ECPAS: variants seen among roughly 807,000 people sequenced by gnomAD.
ECPAS encodes Ecm29 proteasome adaptor and scaffold.
Under a neutral mutation model 255.1 loss-of-function variants are expected in ECPAS, and 70 were observed. That is an observed-to-expected ratio of 0.27 (90% CI 0.23 to 0.33). The LOEUF (loss-of-function observed/expected upper bound fraction) is 0.33, where lower values mean the gene tolerates loss of function less well. Among genes scored for constraint, ECPAS ranks in the 10% least tolerant of loss-of-function variants. The pLI is 1.00. For missense variants in ECPAS, 1,817 were observed against 2,206.4 expected, an observed-to-expected ratio of 0.82 and a Z score of 3.54; for synonymous variants, 784 against 775.0, an observed-to-expected ratio of 1.01 and a Z score of -0.19.
At chr9:111,480,580 G>T in intron 1 of ECPAS, among the ~76,000 whole-genome samples, 1 of 152,076 alleles carries the variant, frequency 6.6e-6, no homozygotes, top group East Asian at 1.9e-4. Context: ...TTACAGGTGT[G>T]AGCCACCACA....
intron 35 of ECPAS, among the ~76,000 whole-genome samples, chr9:111,381,127 T>C (rs1015593748): frequency 1.3e-5 from 2 of 152,236 alleles, no homozygotes; most frequent in Non-Finnish European, 2.9e-5. Context: ...CTATCTCAGC[T>C]TTCATGACAT....
chr9:111,415,252 T>A lies in ECPAS; in HGVS notation c.1765-601A>T, dbSNP rs72764777. 6.2e-3 allele frequency among the ~76,000 whole-genome samples: 931 copies of A among 149,910 alleles called. 3 individuals are homozygous for A. The highest frequency in any genetic ancestry group is 8.9e-3 in the African/African-American group (365 of 40,924). On this transcript the variant is annotated intron_variant, in intron 18 of 49. Coordinates refer to ENST00000684092, the MANE Select transcript of ECPAS (RefSeq NM_001364929.1). ...CCGTGTGTGTGTGTGTGTGTGTGTG[T>A]GAGAGAGAGAGAAAGACAGAGAGAG...
chr9:111,481,505 CAAGAAAAAAAA>C (rs1027676251), intron 1 of ECPAS, among the ~76,000 whole-genome samples: 34 of 148,638 alleles, frequency 2.3e-4, no homozygotes, highest in African/African-American at 8.2e-4. Context: ...GACTTGGTCT[CAAGAAAAAAAA>C]AAGAAAAAAG....
chr9:111,451,882 G>A (rs1017152717), intron 2 of ECPAS, among the ~76,000 whole-genome samples: 3 of 152,170 alleles, frequency 2.0e-5, no homozygotes, highest in Admixed American at 2.0e-4. Flanking sequence ...AGTAGAGCAA[G>A]GCAGCAAAAC....
In ECPAS at chr9:111,468,650, A is replaced by C. The variant is rs576393586; in HGVS notation, c.22+4247T>G. The stretch of plus-strand genomic sequence containing the variant: ...GAGTGAGAGAGAGAGAGAGAGAGAG[A>C]GAGCGAGCGTGTGTGTGTGTTTCAT... On this transcript the variant is annotated intron_variant, in intron 2 of 49. Transcript: ENST00000684092. Among the ~76,000 whole-genome samples, 487 of 145,904 alleles carry C rather than the reference A, an allele frequency of 3.3e-3. 3 individuals are homozygous for C. The highest frequency in any genetic ancestry group is 0.011 in the African/African-American group (430 of 39,328).
chr9:111,384,991 G>A (rs1413176050), intron 33 of ECPAS, among the ~76,000 whole-genome samples: 1 of 152,144 alleles, frequency 6.6e-6, no homozygotes, highest in African/African-American at 2.4e-5. Context: ...GAAAAATTCA[G>A]AGGAATTGGC....
chr9:111,456,910 A>G (rs1232113940), intron 2 of ECPAS, among the ~76,000 whole-genome samples: 1 of 152,244 alleles, frequency 6.6e-6, no homozygotes. Context: ...TAGAAAGAAA[A>G]TAACAGAAGG....
Position 111,383,220 on chromosome 9 carries a change from C to G in ECPAS, c.3794G>C (p.Arg1265Pro). ...KGMMSTVTEV[R>P]ALSINTLVKI... ...ATCAACGGATGCACACCTGAGGGCTCGAACTTCCGTCACGGTGCTCATCAT... is the reference window on the plus strand; with the variant it reads ...ATCAACGGATGCACACCTGAGGGCTGGAACTTCCGTCACGGTGCTCATCAT... The change falls in exon 35 of 50, where the codon CGA (arginine) becomes CCA (proline). Residue 1265 changes from arginine (R) to proline (P), a missense_variant. This residue lies in a region of ECPAS where 960 missense variants were observed against 1,179.0 expected (regional missense o/e 0.81). Transcript: ENST00000684092. 6.2e-7 allele frequency: 1 copy of G among 1,613,770 alleles called. No individual in the cohort carries two copies. Among genetic ancestry groups the G allele is most frequent in the Non-Finnish European group, 8.5e-7 (1 of 1,179,784 alleles).
intron 2 of ECPAS, among the ~76,000 whole-genome samples, chr9:111,471,130 G>A (rs566859820): frequency 3.8e-4 from 58 of 152,268 alleles, no homozygotes; most frequent in Middle Eastern, 3.4e-3. Context: ...GCCCTAGAAT[G>A]TTCTTTATTT....
At chr9:111,465,299 G>A (rs1194190979) in intron 2 of ECPAS, among the ~76,000 whole-genome samples, 1 of 152,062 alleles carries the variant, frequency 6.6e-6, no homozygotes, top group South Asian at 2.1e-4. Context: ...CAGCACTTTG[G>A]GAGGCCGAGG....
intron 10 of ECPAS, among the ~76,000 whole-genome samples, chr9:111,427,091 T>C (rs760842296): frequency 1.3e-5 from 2 of 148,170 alleles, no homozygotes; most frequent in African/African-American, 5.0e-5. Context: ...GCCTGGGAGG[T>C]AGAGGCTGAG....
At chr9:111,447,238 T>C (rs1404799795) in intron 3 of ECPAS, among the ~76,000 whole-genome samples, 3 of 151,996 alleles carry the variant, frequency 2.0e-5, no homozygotes, top group Admixed American at 2.0e-4. Flanking sequence ...AATCTTCCTA[T>C]CTCAGTCACT....
chr9:111,371,867 G>A, intron 42 of ECPAS, 38 bp from the exon 43 acceptor site: 1 of 1,538,356 alleles, frequency 6.5e-7, no homozygotes, highest in East Asian at 2.3e-5. Context: ...TAAGTGACAA[G>A]AAAAATTAAC....
intron 1 of ECPAS, among the ~76,000 whole-genome samples, chr9:111,474,246 C>A (rs150711698): frequency 2.2e-4 from 34 of 152,262 alleles, no homozygotes; most frequent in African/African-American, 7.9e-4. Flanking sequence ...TCTGTTCTCT[C>A]TTTCCTTCAC....
At chr9:111,422,250 G>T in intron 13 of ECPAS, 50 bp from the exon 14 acceptor site, 1 of 1,544,508 alleles carries the variant, frequency 6.5e-7, no homozygotes, top group South Asian at 1.1e-5. Context: ...TCCAAGAGAT[G>T]AAAAAGGGAA....
In ECPAS at chr9:111,408,821, G is replaced by A. The variant is rs372353657; in HGVS notation, c.2551-149C>T. 171 of 479,096 alleles carry A rather than the reference G, an allele frequency of 3.6e-4. 1 individual carries two copies. The highest frequency in any genetic ancestry group is 3.0e-3 in the African/African-American group (151 of 50,486). 29.7% of individuals were successfully genotyped at this position (479,096 alleles called of 1,614,324 possible). Reference sequence around the variant, plus strand: ...TACAAAAGCATCAAATTTTACAGTCGTATGTCTGTAAGTCATTGAAGGTAG... The same window carrying A: ...TACAAAAGCATCAAATTTTACAGTCATATGTCTGTAAGTCATTGAAGGTAG... On this transcript the variant is annotated intron_variant, in intron 23 of 49. Transcript: ENST00000684092.
intron 48 of ECPAS, among the ~76,000 whole-genome samples, chr9:111,364,602 C>T (rs1320391317): frequency 6.6e-6 from 1 of 152,008 alleles, no homozygotes; most frequent in Non-Finnish European, 1.5e-5. Context: ...TCAATGCATG[C>T]TAAATATAGA....
chr9:111,410,640 C>T (rs2098192593), intron 22 of ECPAS, among the ~76,000 whole-genome samples: 1 of 151,954 alleles, frequency 6.6e-6, no homozygotes, highest in African/African-American at 2.4e-5. Flanking sequence ...CCTTAGCTTC[C>T]TCAGTAGTTG....
In ECPAS at chr9:111,392,997, G is replaced by C. The variant is rs118185198; in HGVS notation, c.2978-115C>G. The stretch of plus-strand genomic sequence containing the variant: ...TGACCCAAAATGATATCAAAGTAAA[G>C]ATATAAAAACAGAATCAATATGCCT... On this transcript the variant is annotated intron_variant, in intron 27 of 49. Coordinates refer to ENST00000684092, the MANE Select transcript of ECPAS (RefSeq NM_001364929.1). 476 of 628,660 alleles carry C rather than the reference G, an allele frequency of 7.6e-4. 1 individual carries two copies. The highest frequency in any genetic ancestry group is 1.3e-3 in the Non-Finnish European group (447 of 354,672). The allele number at this position is 628,660 out of a possible 1,614,324, so 38.9% of individuals were successfully genotyped here.
Sources: gnomAD v4.1 joint callset for allele counts (sites outside exome capture counted in the v4.1 genomes callset) on GRCh38, gnomAD v4.1.1 for gene constraint, gnomAD v4.1.1 regional missense constraint, MANE v1.5 for transcripts, NCBI Gene and HGNC (gene_info 2026-07-23, HGNC 2026-07-21) for gene names.